ATP11A: variants seen among roughly 807,000 people sequenced by gnomAD.
ATP11A encodes the protein ATPase phospholipid transporting 11A.
Under a neutral mutation model 154.4 loss-of-function variants are expected in ATP11A, and 81 were observed. The observed-to-expected ratio is 0.52, with a 90% CI of 0.44 to 0.63. The LOEUF is 0.63. ATP11A is among the 30% of genes least tolerant of loss of function. The pLI, the probability that ATP11A is intolerant of heterozygous loss-of-function variation, is 0.00. For missense variants in ATP11A, 1,316 were observed against 1,474.3 expected (o/e 0.89, Z 1.76); for synonymous variants, 623 against 585.9 (o/e 1.06, Z -0.91).
At chr13:112,771,716 C>T (rs1014057304) in intron 1 of ATP11A, among the ~76,000 whole-genome samples, 3 of 152,228 alleles carry the variant, frequency 2.0e-5, no homozygotes, top group Non-Finnish European at 4.4e-5. Context: ...TCCCGTCACT[C>T]GGGTAGTCCC....
chr13:112,819,364 C>A lies in ATP11A; in HGVS notation c.631C>A (p.His211Asn), dbSNP rs2078733162. Residue 211 changes from histidine to asparagine, a missense_variant, in exon 7 of 30, where the codon CAC becomes AAC. By Grantham distance (68) the His-to-Asn change is moderately conservative (BLOSUM62 1). Transcript: ENST00000375645. ...FHTEEDIGGL[H>N]ATIECEQPQP... ...CACAGAGGAGGATATCGGCGGACTT[C>A]ACGCCACCATCGAGTGTGAGCAGCC... is the stretch of plus-strand genomic sequence containing the variant. 1 of 1,614,246 alleles carries A rather than the reference C, an allele frequency of 6.2e-7. No homozygotes were observed. The highest frequency in any genetic ancestry group is 1.3e-5 in the African/African-American group (1 of 75,062).
At chr13:112,791,119 C>T (rs1441819537) in intron 2 of ATP11A, among the ~76,000 whole-genome samples, 1 of 152,198 alleles carries the variant, frequency 6.6e-6, no homozygotes, top group Non-Finnish European at 1.5e-5. Context: ...CTTCACCCAT[C>T]CCCCACCCTC....
chr13:112,729,800 T>A (rs577588800), intron 1 of ATP11A, among the ~76,000 whole-genome samples: 47 of 152,344 alleles, frequency 3.1e-4, no homozygotes, highest in African/African-American at 1.1e-3. Context: ...CCCCTCAGCT[T>A]GCGGGAACTC....
chr13:112,735,463 C>T (rs930943791), intron 1 of ATP11A, among the ~76,000 whole-genome samples: 4 of 152,180 alleles, frequency 2.6e-5, no homozygotes, highest in African/African-American at 9.7e-5. Context: ...AGAACTCCTT[C>T]TCAAAGCATT....
At chr13:112,774,700 G>A (rs1034468096) in intron 1 of ATP11A, among the ~76,000 whole-genome samples, 4 of 152,222 alleles carry the variant, frequency 2.6e-5, no homozygotes, top group Admixed American at 2.0e-4. Context: ...TGCACAGCCC[G>A]GACTGCATGG....
At chr13:112,776,669 C>T (rs2077356540) in intron 1 of ATP11A, among the ~76,000 whole-genome samples, 1 of 152,192 alleles carries the variant, frequency 6.6e-6, no homozygotes, top group African/African-American at 2.4e-5. Flanking sequence ...TGTCCTGGCT[C>T]ACTGCAACCT....
intron 8 of ATP11A, among the ~76,000 whole-genome samples, chr13:112,821,981 G>T (rs529625663): frequency 1.3e-5 from 2 of 152,168 alleles, no homozygotes; most frequent in Non-Finnish European, 2.9e-5. Flanking sequence ...GCCCTCAGCC[G>T]CAGCCTGGGG....
At chr13:112,811,161 A>ACACACACAC (rs2078484592) in intron 5 of ATP11A, among the ~76,000 whole-genome samples, 5 of 115,580 alleles carry the variant, frequency 4.3e-5, no homozygotes, top group African/African-American at 7.2e-5. Flanking sequence ...TGCCCCTTCC[A>ACACACACAC]ACACACACAC....
chr13:112,772,186 C>T (rs759975902), intron 1 of ATP11A, among the ~76,000 whole-genome samples: 5 of 152,116 alleles, frequency 3.3e-5, no homozygotes, highest in East Asian at 1.9e-4. Flanking sequence ...TTTTCTAAGA[C>T]GGAGTTTATT....
In ATP11A at chr13:112,806,168, C is replaced by G. The variant is rs373238208; in HGVS notation, c.253-45C>G. 7.4e-6 allele frequency: 11 copies of G among 1,479,854 alleles called. No homozygotes were observed. In the African/African-American group the frequency reaches 1.1e-4, roughly 15 times the overall value. 91.7% of individuals were successfully genotyped at this position (1,479,854 alleles called of 1,614,324 possible). A position where few individuals can be genotyped will look rare whatever the true frequency, so the allele number is the denominator to read the frequency against. ...GCAAACTAACCTGCCTGAAGTCACT[C>G]ATTTGTGTTTTTGAAGATGATTTTA... On this transcript the variant is annotated intron_variant, in intron 3 of 29. Coordinates refer to ENST00000375645, the MANE Select transcript of ATP11A (RefSeq NM_015205.3).
In ATP11A at chr13:112,753,095, C is replaced by T. The variant is rs1047984578; in HGVS notation, c.40-32040C>T. On this transcript the variant is annotated intron_variant, in intron 1 of 29. Transcript: ENST00000375645. This position sits in a 1 kb window ranked among gnomAD's most constrained non-coding sequence, Gnocchi z 4.1. ...GTAAATGAGTCAGTGTTCCCAATGACATATACGGTGGCTTACAGTTACCCC... is the reference window on the plus strand; with the variant it reads ...GTAAATGAGTCAGTGTTCCCAATGATATATACGGTGGCTTACAGTTACCCC... 2.0e-5 allele frequency among the ~76,000 whole-genome samples: 3 copies of T among 152,200 alleles called. No homozygotes were observed. Among genetic ancestry groups the T allele is most frequent in the Non-Finnish European group, 4.4e-5 (3 of 68,036 alleles).
intron 20 of ATP11A, 83 bp from the exon 21 acceptor site, chr13:112,857,735 C>A: frequency 1.7e-6 from 2 of 1,144,344 alleles, no homozygotes; most frequent in Non-Finnish European, 2.6e-6. Flanking sequence ...AACTTTTCAT[C>A]TTTGTTATTT....
chr13:112,791,507 A>C (rs57629775), intron 2 of ATP11A, among the ~76,000 whole-genome samples: 10,118 of 152,178 alleles, frequency 0.066, 1,076 homozygotes, highest in African/African-American at 0.22. Context: ...GGGTCCTGGT[A>C]CCCCTGGCAG....
intron 16 of ATP11A, among the ~76,000 whole-genome samples, chr13:112,837,385 G>C (rs980652706): frequency 6.6e-6 from 1 of 152,190 alleles, no homozygotes; most frequent in South Asian, 2.1e-4. Context: ...CCATAGCAGC[G>C]TGCAGGACAT....
chr13:112,865,475 G>A (rs2140386926), intron 25 of ATP11A, among the ~76,000 whole-genome samples: 2 of 152,378 alleles, frequency 1.3e-5, no homozygotes, highest in South Asian at 4.1e-4. Context: ...CATAGCTCTG[G>A]GTCACTTTAA....
intron 11 of ATP11A, among the ~76,000 whole-genome samples, chr13:112,825,783 G>T (rs369354681): frequency 8.5e-5 from 13 of 152,330 alleles, no homozygotes; most frequent in African/African-American, 2.9e-4. Context: ...ATCTGGAAAG[G>T]TACAGGTTCC....
In ATP11A at chr13:112,722,881, C is replaced by T. The variant is rs552476366; in HGVS notation, c.39+32426C>T. ...GAGTGGAAGGTCGACGTGGCTCAGC[C>T]GGAAAGGCAGGATGACTTGAAGTAA... On this transcript the variant is annotated intron_variant, in intron 1 of 29. Transcript: ENST00000375645. Among the ~76,000 whole-genome samples, 123 of 151,946 alleles carry T rather than the reference C, an allele frequency of 8.1e-4. 1 individual carries two copies. The highest frequency in any genetic ancestry group is 1.7e-3 in the Admixed American group (26 of 15,270).
At chr13:112,816,499 C>T (rs544022622) in intron 6 of ATP11A, among the ~76,000 whole-genome samples, 1 of 152,196 alleles carries the variant, frequency 6.6e-6, no homozygotes, top group East Asian at 1.9e-4. Context: ...AACAAATTAA[C>T]ACACCCACAT....
intron 1 of ATP11A, among the ~76,000 whole-genome samples, chr13:112,748,233 G>A (rs1005250002): frequency 2.0e-5 from 3 of 152,194 alleles, no homozygotes; most frequent in Admixed American, 6.5e-5. Context: ...TACTCAACCT[G>A]TATTTATAGA....
Sources: gnomAD v4.1 joint callset for allele counts (sites outside exome capture counted in the v4.1 genomes callset) on GRCh38, gnomAD v4.1.1 for gene constraint, Gnocchi (gnomAD v3.1) non-coding constraint, MANE v1.5 for transcripts, NCBI Gene and HGNC (gene_info 2026-07-23, HGNC 2026-07-21) for gene names.